Variants in PRR16 observed in about 807,000 individuals in gnomAD.
The protein encoded by PRR16 is protein Largen.
A neutral mutation model predicts 18.2 loss-of-function variants in PRR16; 6 were observed. The ratio of observed to expected loss-of-function variants is 0.33; its 90% CI spans 0.18 to 0.65. The LOEUF is 0.65. PRR16 is among the 30% of genes least tolerant of loss of function. The pLI is 0.74. For missense variants in PRR16, 412 were observed against 376.6 expected (o/e 1.09, Z -0.78); for synonymous variants, 151 against 147.8 (o/e 1.02, Z -0.16).
chr5:120,751,420 C>G, the PRR16 span, among the ~76,000 whole-genome samples: 14 of 152,196 alleles, frequency 9.2e-5, no homozygotes, highest in African/African-American at 3.1e-4. Context: ...TCCTCTTTCT[C>G]TGCCTCCTCA....
intron 1 of PRR16, among the ~76,000 whole-genome samples, chr5:120,477,479 G>A (rs913037807): frequency 2.0e-5 from 3 of 152,106 alleles, no homozygotes; most frequent in African/African-American, 4.8e-5. Context: ...TCTTCAAAAT[G>A]TTTCCAAAGT....
the PRR16 span, among the ~76,000 whole-genome samples, chr5:120,748,956 T>C: frequency 6.6e-6 from 1 of 152,138 alleles, no homozygotes; most frequent in Non-Finnish European, 1.5e-5. Context: ...GATTTTATAA[T>C]TGTACACTTT....
intron 1 of PRR16, among the ~76,000 whole-genome samples, chr5:120,668,594 G>T (rs145849824): frequency 0.054 from 8,165 of 152,060 alleles, 586 homozygotes; most frequent in African/African-American, 0.16. Context: ...AGCTGGTACC[G>T]GTTGTTCCTT....
At chr5:120,789,291 G>A in the PRR16 span, among the ~76,000 whole-genome samples, 1 of 151,988 alleles carries the variant, frequency 6.6e-6, no homozygotes, top group Non-Finnish European at 1.5e-5. Context: ...ACATTAAGTG[G>A]TGCTAAACAT....
At chr5:120,756,110 C>T in the PRR16 span, among the ~76,000 whole-genome samples, 4 of 151,988 alleles carry the variant, frequency 2.6e-5, no homozygotes, top group African/African-American at 7.3e-5. Flanking sequence ...GATTGGTTGC[C>T]TGAGGGAACC....
chr5:120,555,533 TAGAG>T (rs112424816), intron 1 of PRR16, among the ~76,000 whole-genome samples: 9 of 147,740 alleles, frequency 6.1e-5, no homozygotes, highest in East Asian at 2.0e-4. Flanking sequence ...GTGGGAGAGA[TAGAG>T]AGAGAGAGAG....
At position 120,543,883 on chromosome 5, in the gene PRR16, C is replaced by T. The variant is rs73268216; in HGVS notation, c.159+79238C>T. ...ACTTGTCCTCTTTGAGTCTCAGTTG[C>T]CTCATCTGTGAAATGAAAAGTTTAG... On this transcript the variant is annotated intron_variant, in intron 1 of 1. Transcript: ENST00000407149. 2.9e-3 allele frequency among the ~76,000 whole-genome samples: 441 copies of T among 152,212 alleles called. 3 individuals are homozygous for T. Among genetic ancestry groups the T allele is most frequent in the African/African-American group, 0.01 (424 of 41,524 alleles).
intron 1 of PRR16, among the ~76,000 whole-genome samples, chr5:120,590,781 G>C (rs1025986717): frequency 6.6e-6 from 1 of 152,136 alleles, no homozygotes; most frequent in South Asian, 2.1e-4. Context: ...ATAAAGTCAA[G>C]CTCCTATCTC....
chr5:120,698,799 G>T, the PRR16 span, among the ~76,000 whole-genome samples: 1 of 152,206 alleles, frequency 6.6e-6, no homozygotes, highest in East Asian at 1.9e-4. Flanking sequence ...GTTTTTAAAA[G>T]ACCTTTAGTC....
intron 1 of PRR16, among the ~76,000 whole-genome samples, chr5:120,525,744 T>G (rs1751325530): frequency 6.6e-6 from 1 of 151,592 alleles, no homozygotes; most frequent in African/African-American, 2.4e-5. Flanking sequence ...GTAAAGAACA[T>G]GTCAGTGCTT....
intron 1 of PRR16, among the ~76,000 whole-genome samples, chr5:120,669,491 G>A (rs1301127800): frequency 6.6e-6 from 1 of 151,952 alleles, no homozygotes; most frequent in East Asian, 1.9e-4. Context: ...ATTAGAATAG[G>A]TAGATATTAC....
intron 1 of PRR16, among the ~76,000 whole-genome samples, chr5:120,646,260 A>G (rs192891084): frequency 1.0e-3 from 154 of 151,920 alleles, no homozygotes; most frequent in Non-Finnish European, 1.2e-3. Context: ...TATCATATCT[A>G]TCATACCAGG....
intron 1 of PRR16, among the ~76,000 whole-genome samples, chr5:120,614,949 C>T (rs1317894835): frequency 2.6e-5 from 4 of 152,080 alleles, no homozygotes; most frequent in Admixed American, 2.6e-4. Flanking sequence ...TTACAAAGCC[C>T]AAGTTCTTGG....
intron 1 of PRR16, among the ~76,000 whole-genome samples, chr5:120,508,286 TGTG>T (rs1175158601): frequency 1.3e-5 from 2 of 152,170 alleles, no homozygotes; most frequent in Non-Finnish European, 2.9e-5. Flanking sequence ...ACTATACACT[TGTG>T]GTTGTTACAT....
At chr5:120,716,415 G>T in the PRR16 span, among the ~76,000 whole-genome samples, 1 of 152,118 alleles carries the variant, frequency 6.6e-6, no homozygotes, top group Admixed American at 6.5e-5. Flanking sequence ...GATATTTGTG[G>T]AGCATTAGCA....
At chr5:120,662,777 G>T (rs932416746) in intron 1 of PRR16, among the ~76,000 whole-genome samples, 1 of 152,096 alleles carries the variant, frequency 6.6e-6, no homozygotes, top group Admixed American at 6.6e-5. Flanking sequence ...TCCTAGGCAA[G>T]GCCCAGCACG....
intron 1 of PRR16, chr5:120,481,044 A>G (rs1290282223): frequency 8.7e-6 from 9 of 1,035,674 alleles, no homozygotes; most frequent in Non-Finnish European, 9.7e-6. Context: ...ATTTTTCAAT[A>G]TAAAGTACAT....
chr5:120,495,457 A>G (rs931870681), intron 1 of PRR16, among the ~76,000 whole-genome samples: 1 of 152,120 alleles, frequency 6.6e-6, no homozygotes, highest in Non-Finnish European at 1.5e-5. Flanking sequence ...CCATCTGTAG[A>G]TTACTTATAA....
intron 1 of PRR16, among the ~76,000 whole-genome samples, chr5:120,675,650 T>G (rs1447081949): frequency 6.6e-6 from 1 of 152,312 alleles, no homozygotes; most frequent in South Asian, 2.1e-4. Context: ...CATTTAAAGA[T>G]GATCTGAGGA....
Sources: gnomAD v4.1 joint callset for allele counts (sites outside exome capture counted in the v4.1 genomes callset) on GRCh38, gnomAD v4.1.1 for gene constraint, MANE v1.5 for transcripts, NCBI Gene and HGNC (gene_info 2026-07-23, HGNC 2026-07-21) for gene names.